ARID1B: variants seen among roughly 807,000 people sequenced by gnomAD.
ARID1B encodes AT-rich interaction domain 1B, also known as AT-rich interactive domain-containing protein 1B.
ARID1B carries 30 observed loss-of-function variants against 212.3 expected under a neutral mutation model. That is an observed-to-expected ratio of 0.14 (90% CI 0.11 to 0.19). The LOEUF (loss-of-function observed/expected upper bound fraction) is 0.19, where lower values mean the gene tolerates loss of function less well. Ranked by LOEUF, ARID1B falls within the 10% of genes least tolerant of loss-of-function variation. The pLI is 1.00. For missense variants in ARID1B, 2,891 were observed against 3,204.0 expected (o/e 0.90, Z 2.36); for synonymous variants, 1,402 against 1,301.7 (o/e 1.08, Z -1.66).
intron 5 of ARID1B, among the ~76,000 whole-genome samples, chr6:157,087,091 T>C (rs1029207799): frequency 6.6e-6 from 1 of 152,220 alleles, no homozygotes; most frequent in African/African-American, 2.4e-5. Context: ...AGCCGACCTC[T>C]ATATGGTGCT....
At chr6:156,841,216 C>A (rs116279969) in intron 2 of ARID1B, among the ~76,000 whole-genome samples, 3 of 152,120 alleles carry the variant, frequency 2.0e-5, no homozygotes, top group Non-Finnish European at 4.4e-5. Context: ...AGTTCTCTGT[C>A]GCTGATCATT....
intron 1 of ARID1B, among the ~76,000 whole-genome samples, chr6:156,788,382 C>T (rs1014213253): frequency 5.3e-5 from 8 of 152,180 alleles, no homozygotes; most frequent in African/African-American, 9.7e-5. Flanking sequence ...ACAGAGCCTA[C>T]GGCTGATGCC....
intron 4 of ARID1B, among the ~76,000 whole-genome samples, chr6:157,032,155 A>G (rs1350066554): frequency 6.6e-6 from 1 of 152,170 alleles, no homozygotes; most frequent in Non-Finnish European, 1.5e-5. Context: ...CATGGCACAA[A>G]CTCTAGAAGC....
In ARID1B at chr6:157,042,685, G is replaced by A. The variant is rs527876121; in HGVS notation, c.2248-41977G>A. 2.1e-5 allele frequency among the ~76,000 whole-genome samples: 3 copies of A among 145,152 alleles called. No individual in the cohort carries two copies. In the East Asian group the frequency reaches 6.0e-4, roughly 29 times the overall value. On this transcript the variant is annotated intron_variant, in intron 4 of 19. Coordinates refer to ENST00000636930, the MANE Select transcript of ARID1B (RefSeq NM_001374828.1). Reference sequence around the variant, plus strand: ...TTTTTTTTTTTTTTTTTGAGACAGAGTCTCACTGTGTCACCCAGGCTGGAG... The same window carrying A: ...TTTTTTTTTTTTTTTTTGAGACAGAATCTCACTGTGTCACCCAGGCTGGAG...
At chr6:157,053,109 G>T (rs961348178) in intron 4 of ARID1B, among the ~76,000 whole-genome samples, 1 of 149,014 alleles carries the variant, frequency 6.7e-6, no homozygotes, top group African/African-American at 2.5e-5. Flanking sequence ...ATTTAGGGAC[G>T]GAGTCTCACT....
intron 4 of ARID1B, among the ~76,000 whole-genome samples, chr6:157,079,876 C>T (rs769954278): frequency 2.6e-4 from 40 of 152,218 alleles, no homozygotes; most frequent in Admixed American, 3.9e-4. Flanking sequence ...AAAAAGTACA[C>T]GGTTTTATTT....
intron 4 of ARID1B, among the ~76,000 whole-genome samples, chr6:157,006,960 C>CGT (rs896887104): frequency 6.6e-6 from 1 of 152,254 alleles, no homozygotes; most frequent in Non-Finnish European, 1.5e-5. Flanking sequence ...TGTACACACA[C>CGT]ACACACAGAC....
At chr6:156,852,934 C>T (rs115837554) in intron 2 of ARID1B, among the ~76,000 whole-genome samples, 143 of 152,298 alleles carry the variant, frequency 9.4e-4, no homozygotes, top group African/African-American at 3.3e-3. Context: ...AAGCTTCCCT[C>T]ATGTCTTGGT....
intron 3 of ARID1B, among the ~76,000 whole-genome samples, chr6:156,911,391 A>G (rs1489982182): frequency 8.0e-6 from 1 of 125,524 alleles, no homozygotes; most frequent in Non-Finnish European, 1.6e-5. Context: ...AAACTTTGGC[A>G]CTTTTGAAAG....
chr6:157,126,892 G>T (rs377402614), intron 6 of ARID1B, among the ~76,000 whole-genome samples: 1 of 152,144 alleles, frequency 6.6e-6, no homozygotes, highest in Non-Finnish European at 1.5e-5. Context: ...ACGCAGCTGC[G>T]TTCCCTCAGC....
chr6:157,144,953 G>A (rs902924311), intron 7 of ARID1B, among the ~76,000 whole-genome samples: 6 of 152,128 alleles, frequency 3.9e-5, no homozygotes, highest in African/African-American at 1.4e-4. Context: ...GCCTCTTCAC[G>A]CCGAAGCAGT....
chr6:156,995,185 G>T (rs988518597), intron 4 of ARID1B, among the ~76,000 whole-genome samples: 3 of 152,224 alleles, frequency 2.0e-5, no homozygotes, highest in African/African-American at 4.8e-5. Flanking sequence ...AAGACAGACG[G>T]TAGGAAGCCT....
intron 4 of ARID1B, among the ~76,000 whole-genome samples, chr6:157,077,122 A>G (rs929422287): frequency 3.2e-4 from 48 of 152,240 alleles, no homozygotes; most frequent in Non-Finnish European, 1.2e-4. Flanking sequence ...TCTAGAAAAC[A>G]TGTTGCTATT....
chr6:156,924,738 T>C (rs1791086740), intron 3 of ARID1B, among the ~76,000 whole-genome samples: 1 of 152,194 alleles, frequency 6.6e-6, no homozygotes, highest in African/African-American at 2.4e-5. Flanking sequence ...AAAGGAATTA[T>C]TTAGGTAATA....
intron 3 of ARID1B, among the ~76,000 whole-genome samples, chr6:156,929,683 TC>T (rs1286608034): frequency 4.6e-5 from 7 of 152,244 alleles, no homozygotes; most frequent in African/African-American, 1.7e-4. Flanking sequence ...GAAAAACTTT[TC>T]TTAAATAACA....
At chr6:157,137,626 A>G (rs558255897) in intron 7 of ARID1B, among the ~76,000 whole-genome samples, 1 of 152,362 alleles carries the variant, frequency 6.6e-6, no homozygotes, top group South Asian at 2.1e-4. Context: ...GTTACAAAAT[A>G]TAAACACTCG....
At chr6:156,952,510 A>G (rs942952683) in intron 4 of ARID1B, among the ~76,000 whole-genome samples, 1 of 152,292 alleles carries the variant, frequency 6.6e-6, no homozygotes, top group Admixed American at 6.5e-5. Flanking sequence ...CCTGCCCCCC[A>G]TGGTTGGTCG....
chr6:157,022,158 G>C (rs1780347701), intron 4 of ARID1B: 1 of 151,784 alleles, frequency 6.6e-6, no homozygotes, highest in South Asian at 2.0e-4. Flanking sequence ...GCGGGGCCGC[G>C]GAAGGGGGCG....
intron 3 of ARID1B, among the ~76,000 whole-genome samples, chr6:156,921,220 T>C (rs1245503590): frequency 6.6e-6 from 1 of 152,112 alleles, no homozygotes; most frequent in African/African-American, 2.4e-5. Flanking sequence ...GTGGGATGAA[T>C]ATATAGCTTG....
Sources: allele counts gnomAD v4.1 joint callset (sites outside exome capture counted in the v4.1 genomes callset), GRCh38; gene constraint gnomAD v4.1.1; transcripts MANE v1.5; gene names NCBI Gene and HGNC (gene_info 2026-07-23, HGNC 2026-07-21).